The following CFAP61 variants were observed in gnomAD, a reference collection of about 807,000 sequenced individuals.
CFAP61 encodes cilia and flagella associated protein 61.
Under a neutral mutation model 135.6 loss-of-function variants are expected in CFAP61, and 107 were observed. The ratio of observed to expected loss-of-function variants is 0.79; its 90% CI spans 0.67 to 0.93. CFAP61 has a LOEUF of 0.93. Among genes scored for constraint, CFAP61 ranks in the 40% least tolerant of loss-of-function variants. CFAP61 has a pLI of 0.00. For synonymous variants in CFAP61, 575 were observed against 578.5 expected, an observed-to-expected ratio of 0.99 and a Z score of 0.09; for missense variants, 1,507 against 1,556.2, an observed-to-expected ratio of 0.97 and a Z score of 0.53.
chr20:20,206,640 AT>A (rs2056868884), intron 17 of CFAP61, among the ~76,000 whole-genome samples: 1 of 152,002 alleles, frequency 6.6e-6, no homozygotes, highest in Non-Finnish European at 1.5e-5. Context: ...ATAATACTAT[AT>A]TTTATTTTTT....
chr20:20,057,416 A>G (rs1322480854), intron 2 of CFAP61, among the ~76,000 whole-genome samples: 1 of 152,178 alleles, frequency 6.6e-6, no homozygotes, highest in Non-Finnish European at 1.5e-5. Context: ...CCAGATTTTG[A>G]GAAATTAGTT....
intron 14 of CFAP61, among the ~76,000 whole-genome samples, chr20:20,188,848 T>TG (rs765903224): frequency 3.0e-4 from 46 of 152,364 alleles, no homozygotes; most frequent in Middle Eastern, 3.4e-3. Context: ...CACAGCCTGC[T>TG]GGAAGTCCCC....
chr20:20,247,351 G>A (rs962583152), intron 19 of CFAP61, among the ~76,000 whole-genome samples: 2 of 152,210 alleles, frequency 1.3e-5, no homozygotes, highest in Non-Finnish European at 2.9e-5. Context: ...AACAGCTACC[G>A]AGGGGGCTTT....
At chr20:20,341,160 T>C (rs1413870167) in intron 25 of CFAP61, among the ~76,000 whole-genome samples, 2 of 152,154 alleles carry the variant, frequency 1.3e-5, no homozygotes, top group East Asian at 1.9e-4. Flanking sequence ...TTAAGTTCCC[T>C]GTTCCAAGAC....
intron 26 of CFAP61, among the ~76,000 whole-genome samples, chr20:20,354,782 G>A (rs559330221): frequency 1.3e-5 from 2 of 151,848 alleles, no homozygotes; most frequent in Admixed American, 6.6e-5. Context: ...CACGCTGAGA[G>A]GGGAGGTGGT....
At chr20:20,174,242 T>C (rs1293426547) in intron 13 of CFAP61, among the ~76,000 whole-genome samples, 1 of 152,206 alleles carries the variant, frequency 6.6e-6, no homozygotes, top group Admixed American at 6.5e-5. Context: ...GGAACCCTCC[T>C]TCACAGCCTC....
chr20:20,154,106 C>T (rs1393686768), intron 9 of CFAP61, among the ~76,000 whole-genome samples: 2 of 151,902 alleles, frequency 1.3e-5, no homozygotes, highest in African/African-American at 4.8e-5. Flanking sequence ...AAACAAAAAT[C>T]ATATTATCAT....
At chr20:20,341,052 C>T (rs377295527) in intron 25 of CFAP61, among the ~76,000 whole-genome samples, 15 of 152,216 alleles carry the variant, frequency 9.9e-5, no homozygotes, top group South Asian at 8.3e-4. Flanking sequence ...TTCCCCTGTG[C>T]GCACACACAA....
chr20:20,132,656 T>A (rs1036392859), intron 8 of CFAP61, among the ~76,000 whole-genome samples: 3 of 152,086 alleles, frequency 2.0e-5, no homozygotes, highest in African/African-American at 7.2e-5. Context: ...CTGTCTATCA[T>A]TTTTTTCATT....
At chr20:20,198,112 T>C (rs900508300) in intron 16 of CFAP61, among the ~76,000 whole-genome samples, 1 of 152,212 alleles carries the variant, frequency 6.6e-6, no homozygotes, top group African/African-American at 2.4e-5. Flanking sequence ...AGATGTAGAC[T>C]CTGCTCTAGT....
Position 20,307,675 on chromosome 20 carries a change from G to A in CFAP61, c.3422+9289G>A, listed in dbSNP as rs187030555. The stretch of plus-strand genomic sequence containing the variant: ...TATATCTTATTTTTAAAATTGTATG[G>A]GATTACATATGATATTGAATATGCT... On this transcript the variant is annotated intron_variant, in intron 25 of 26. Coordinates refer to ENST00000245957, the MANE Select transcript of CFAP61 (RefSeq NM_015585.4). Among the ~76,000 whole-genome samples the A allele has an allele frequency of 2.8e-3, 422 of 152,170 alleles. 3 individuals carry two copies. Among genetic ancestry groups the A allele is most frequent in the African/African-American group, 9.6e-3 (399 of 41,490 alleles).
At chr20:20,330,945 C>A (rs1321047386) in intron 25 of CFAP61, among the ~76,000 whole-genome samples, 1 of 152,168 alleles carries the variant, frequency 6.6e-6, no homozygotes, top group Non-Finnish European at 1.5e-5. Context: ...GTTTCTTCCC[C>A]TGGAAAGCTG....
In CFAP61 at chr20:20,165,126, C is replaced by T. The variant is rs2053722057; in HGVS notation, c.1205+898C>T. Among the ~76,000 whole-genome samples, 5 of 152,316 alleles carry T rather than the reference C, an allele frequency of 3.3e-5. No homozygotes were observed. The South Asian group carries it at 1.0e-3, about 32-fold the overall frequency. ...CACCCTACTTCCCTGCTGTTGGACC[C>T]CTTCTCAGAGGAGTGCCCCATCCTG... On this transcript the variant is annotated intron_variant, in intron 11 of 26. Coordinates refer to ENST00000245957, the MANE Select transcript of CFAP61 (RefSeq NM_015585.4).
rs551206657 is a variant in CFAP61 at position 20,140,761 on chromosome 20, C to T, written c.860-2096C>T. Among the ~76,000 whole-genome samples the T allele has an allele frequency of 7.8e-3, 1,186 of 151,684 alleles. 5 individuals are homozygous for T. The highest frequency in any genetic ancestry group is 0.013 in the Non-Finnish European group (890 of 67,904). On this transcript the variant is annotated intron_variant, in intron 8 of 26. Transcript: ENST00000245957. ...TCATGCTGCTATAAAGACACATGCACACGTATGCTTATTGCGGCACTATTC... is the reference window on the plus strand; with the variant it reads ...TCATGCTGCTATAAAGACACATGCATACGTATGCTTATTGCGGCACTATTC...
intron 17 of CFAP61, among the ~76,000 whole-genome samples, chr20:20,203,404 A>G (rs2056719139): frequency 6.6e-6 from 1 of 152,180 alleles, no homozygotes; most frequent in Non-Finnish European, 1.5e-5. Flanking sequence ...CTCTCATGGA[A>G]GTTTTTATTA....
chr20:20,233,624 G>A (rs909185578), intron 18 of CFAP61, among the ~76,000 whole-genome samples: 8 of 152,310 alleles, frequency 5.3e-5, no homozygotes, highest in African/African-American at 1.9e-4. Context: ...GTCTCCCCAG[G>A]CAGCAAGAGT....
chr20:20,112,538 C>T (rs778317498), intron 8 of CFAP61, among the ~76,000 whole-genome samples: 12 of 151,482 alleles, frequency 7.9e-5, no homozygotes, highest in Non-Finnish European at 1.5e-4. Flanking sequence ...TGAGATTTTC[C>T]AGGGGCTTTC....
chr20:20,290,954 A>AT (rs1361663273), intron 24 of CFAP61, among the ~76,000 whole-genome samples: 1 of 152,200 alleles, frequency 6.6e-6, no homozygotes. Context: ...AGACCGTGAG[A>AT]TAATAAAAAT....
chr20:20,345,670 C>G (rs1275389681), intron 26 of CFAP61, among the ~76,000 whole-genome samples: 1 of 152,030 alleles, frequency 6.6e-6, no homozygotes, highest in Non-Finnish European at 1.5e-5. Context: ...CTTGTAATCC[C>G]AGCACTCTGG....
Sources: allele counts gnomAD v4.1 joint callset (sites outside exome capture counted in the v4.1 genomes callset), GRCh38; gene constraint gnomAD v4.1.1; transcripts MANE v1.5; gene names NCBI Gene and HGNC (gene_info 2026-07-23, HGNC 2026-07-21).